The following KLHL3 variants were observed in gnomAD, a reference collection of about 807,000 sequenced individuals.
KLHL3 encodes the protein kelch like family member 3.
Under a neutral mutation model 70.5 loss-of-function variants are expected in KLHL3, and 19 were observed. The ratio of observed to expected loss-of-function variants is 0.27; its 90% CI spans 0.19 to 0.40. The LOEUF (loss-of-function observed/expected upper bound fraction) is 0.40. Among genes scored for constraint, KLHL3 ranks in the 10% least tolerant of loss-of-function variants. KLHL3 has a pLI of 1.00. For missense variants in KLHL3, 512 were observed against 771.1 expected, an observed-to-expected ratio of 0.66 and a Z score of 3.98; for synonymous variants, 258 against 290.3, an observed-to-expected ratio of 0.89 and a Z score of 1.13.
At chr5:137,713,112 A>G (rs1462947834) in intron 2 of KLHL3, among the ~76,000 whole-genome samples, 3 of 149,944 alleles carry the variant, frequency 2.0e-5, no homozygotes, top group Non-Finnish European at 4.4e-5. Flanking sequence ...TGGAATTCAG[A>G]CATGGGAGAT....
intron 1 of KLHL3, among the ~76,000 whole-genome samples, chr5:137,724,871 G>A (rs929325096): frequency 1.5e-4 from 23 of 152,186 alleles, no homozygotes; most frequent in African/African-American, 5.6e-4. Context: ...CAAATAATAA[G>A]TGGTAGAGAT....
intron 7 of KLHL3, among the ~76,000 whole-genome samples, chr5:137,660,252 T>C (rs1369629771): frequency 2.0e-5 from 3 of 152,182 alleles, no homozygotes; most frequent in African/African-American, 7.2e-5. Flanking sequence ...TTCCTAATGG[T>C]GACGTTTGTT....
intron 8 of KLHL3, among the ~76,000 whole-genome samples, chr5:137,650,423 G>A (rs1193504982): frequency 3.3e-5 from 5 of 152,282 alleles, no homozygotes; most frequent in South Asian, 2.1e-4. Flanking sequence ...GAGTCCCCTG[G>A]GGAAGAGACC....
At chr5:137,636,260 C>A (rs1005258936) in intron 11 of KLHL3, among the ~76,000 whole-genome samples, 2 of 152,186 alleles carry the variant, frequency 1.3e-5, no homozygotes, top group African/African-American at 4.8e-5. Context: ...AAGAATCTTT[C>A]TATTAATGTC....
intron 3 of KLHL3, chr5:137,706,195 T>C (rs997880497): frequency 3.0e-6 from 3 of 985,236 alleles, no homozygotes; most frequent in South Asian, 4.7e-5. Context: ...TAAAAGACCA[T>C]AATCACACAA....
rs185322817 is a variant in KLHL3, at chr5:137,638,301, A to G, written c.1219+652T>C. Reference sequence around the variant, plus strand: ...AAATAAAAATTCAGCGAAGTAAAAAATACTGCTTTTTACCTCCCTGGGGGC... The same window carrying G: ...AAATAAAAATTCAGCGAAGTAAAAAGTACTGCTTTTTACCTCCCTGGGGGC... On this transcript the variant is annotated intron_variant, in intron 10 of 14. Coordinates refer to ENST00000309755, the MANE Select transcript of KLHL3 (RefSeq NM_017415.3). Among the ~76,000 whole-genome samples, 113 of 152,326 alleles carry G rather than the reference A, an allele frequency of 7.4e-4. 1 individual carries two copies. Among genetic ancestry groups the G allele is most frequent in the Admixed American group, 2.0e-3 (30 of 15,296 alleles).
At chr5:137,657,691 A>T (rs1054619604) in intron 8 of KLHL3, among the ~76,000 whole-genome samples, 6 of 152,156 alleles carry the variant, frequency 3.9e-5, no homozygotes, top group African/African-American at 1.4e-4. Context: ...GGGCAGCCCT[A>T]ATTGTCCTTT....
chr5:137,698,221 A>G (rs1283941759), intron 4 of KLHL3, 66 bp downstream of exon 4: 1 of 1,584,770 alleles, frequency 6.3e-7, no homozygotes, highest in East Asian at 2.2e-5. Context: ...GTTAAATAAA[A>G]TAACGCTGTA....
At chr5:137,727,857 T>C (rs893770861) in intron 1 of KLHL3, among the ~76,000 whole-genome samples, 1 of 152,182 alleles carries the variant, frequency 6.6e-6, no homozygotes, top group Admixed American at 6.5e-5. Context: ...TGTTTAACAG[T>C]TGATTGGGAG....
chr5:137,708,715 G>C (rs1752731375), intron 3 of KLHL3, among the ~76,000 whole-genome samples: 1 of 152,216 alleles, frequency 6.6e-6, no homozygotes, highest in Non-Finnish European at 1.5e-5. Flanking sequence ...TCAAGTTATA[G>C]GATAGAGAGA....
chr5:137,638,962 C>T lies in KLHL3; in HGVS notation c.1210G>A (p.Gly404Ser), dbSNP rs748260133. The T allele has an allele frequency of 6.2e-7, 1 of 1,614,082 alleles. No homozygotes were observed. Among genetic ancestry groups the T allele is most frequent in the Non-Finnish European group, 8.5e-7 (1 of 1,179,968 alleles). ...DLLYAVGGFD[G>S]STGLASVEAY... ...CACACCCTAAACCTACCAGTACTGC[C>T]ATCAAAGCCTCCCACTGCGTAGAGC... Residue 404 changes from glycine to serine, a missense_variant, in exon 10 of 15, where the codon GGC becomes AGC. By Grantham distance (56) the Gly-to-Ser change is moderately conservative (BLOSUM62 0). Transcript: ENST00000309755.
At position 137,706,452 on chromosome 5, in the gene KLHL3, T is replaced by C. The variant is rs1238740621; in HGVS notation, c.241+3298A>G. The C allele has an allele frequency of 5.6e-6, 5 of 889,856 alleles. No homozygotes were observed. The East Asian group carries it at 6.0e-4, about 107-fold the overall frequency. The allele number at this position is 889,856 out of a possible 1,614,324, so 55.1% of individuals were successfully genotyped here. On this transcript the variant is annotated intron_variant, in intron 3 of 14. Transcript: ENST00000309755. ...ATATAAATCTTAGATATCTTGCTGA[T>C]GGGAGCATAAGCTGGTACAACTGTT...
intron 10 of KLHL3, among the ~76,000 whole-genome samples, chr5:137,638,184 C>G (rs1344287789): frequency 6.6e-6 from 1 of 152,186 alleles, no homozygotes; most frequent in Non-Finnish European, 1.5e-5. Flanking sequence ...GTTCCACTCA[C>G]TAAAGGCAGC....
Position 137,658,131 on chromosome 5 carries a change from C to T in KLHL3, c.903G>A (p.Lys301=), listed in dbSNP as rs745314497. ...TGGTGGTGATTGGGCTGGGGCTTACCTTGGGAAGGCTGACTGGAGTCCTGG... is the reference window on the plus strand; with the variant it reads ...TGGTGGTGATTGGGCTGGGGCTTACTTTGGGAAGGCTGACTGGAGTCCTGG... ...TKPRTPVSLP[K]VMIVVGGQAP... The change falls in exon 8 of 15, where the codon AAG becomes AAA. Residue 301 remains lysine, a splice_region_variant and synonymous_variant. Coordinates refer to ENST00000309755, the MANE Select transcript of KLHL3 (RefSeq NM_017415.3). The T allele has an allele frequency of 6.2e-7, 1 of 1,611,482 alleles. No individual in the cohort carries two copies. The highest frequency in any genetic ancestry group is 1.1e-5 in the South Asian group (1 of 90,728).
chr5:137,694,613 T>C (rs1361640219), intron 4 of KLHL3, among the ~76,000 whole-genome samples: 2 of 152,204 alleles, frequency 1.3e-5, no homozygotes, highest in Admixed American at 1.3e-4. Flanking sequence ...TAAAAAGCTC[T>C]GCTCCCAGTC....
At chr5:137,674,453 T>C (rs1029146885) in intron 6 of KLHL3, among the ~76,000 whole-genome samples, 4 of 152,230 alleles carry the variant, frequency 2.6e-5, no homozygotes, top group Non-Finnish European at 4.4e-5. Flanking sequence ...ACTTACAAGA[T>C]GAAAGCTGCC....
chr5:137,637,205 G>C (rs1384961669), intron 11 of KLHL3, 89 bp downstream of exon 11: 8 of 1,035,122 alleles, frequency 7.7e-6, no homozygotes, highest in Non-Finnish European at 1.2e-5. Context: ...AAAAAAACAC[G>C]GTAGAGGAAG....
intron 8 of KLHL3, among the ~76,000 whole-genome samples, chr5:137,646,851 C>G (rs568469762): frequency 1.3e-5 from 2 of 152,170 alleles, no homozygotes; most frequent in Non-Finnish European, 2.9e-5. Context: ...CTATCAGTCA[C>G]GTAGGAATCA....
intron 6 of KLHL3, among the ~76,000 whole-genome samples, chr5:137,665,884 G>A (rs1456265768): frequency 2.0e-5 from 3 of 152,160 alleles, no homozygotes; most frequent in African/African-American, 4.8e-5. Context: ...GAAAGGGAAA[G>A]GAAGGGAAGG....
Sources: gnomAD v4.1 joint callset for allele counts (sites outside exome capture counted in the v4.1 genomes callset) on GRCh38, gnomAD v4.1.1 for gene constraint, MANE v1.5 for transcripts, NCBI Gene and HGNC (gene_info 2026-07-23, HGNC 2026-07-21) for gene names.